The following PDE7A variants were observed in gnomAD, a reference collection of about 807,000 sequenced individuals.
PDE7A encodes the protein phosphodiesterase 7A.
A neutral mutation model predicts 64.3 loss-of-function variants in PDE7A; 39 were observed. That is an observed-to-expected ratio of 0.61 (90% CI 0.47 to 0.79). The LOEUF is 0.79. PDE7A is among the 30% of genes least tolerant of loss of function. The probability of loss-of-function intolerance (pLI) is 0.00; values close to 1 mark genes in which losing one functional copy is unlikely to be tolerated. For missense variants in PDE7A, 470 were observed against 582.8 expected, an observed-to-expected ratio of 0.81 and a Z score of 1.99; for synonymous variants, 203 against 206.8, an observed-to-expected ratio of 0.98 and a Z score of 0.16.
chr8:65,733,619 T>G (rs1485183122), intron 7 of PDE7A, among the ~76,000 whole-genome samples: 2 of 151,966 alleles, frequency 1.3e-5, no homozygotes, highest in East Asian at 3.8e-4. Flanking sequence ...ACCCTGTCTC[T>G]TAGAGAAAAA....
chr8:65,822,532 A>C (rs536850774), intron 1 of PDE7A, among the ~76,000 whole-genome samples: 10 of 152,346 alleles, frequency 6.6e-5, no homozygotes, highest in African/African-American at 2.4e-4. Flanking sequence ...CACTGGGCTT[A>C]CAAAAGTGAA....
intron 1 of PDE7A, among the ~76,000 whole-genome samples, chr8:65,822,212 C>A (rs1298620358): frequency 6.6e-6 from 1 of 152,206 alleles, no homozygotes; most frequent in Admixed American, 6.5e-5. Context: ...AACCTGCCCC[C>A]TCATTCTGAC....
chr8:65,746,477 C>T (rs753451814), intron 4 of PDE7A, among the ~76,000 whole-genome samples: 1 of 152,090 alleles, frequency 6.6e-6, no homozygotes, highest in Admixed American at 6.6e-5. Context: ...ACACAATTTA[C>T]TACATTAACT....
chr8:65,836,460 G>T (rs1283083443), intron 1 of PDE7A, among the ~76,000 whole-genome samples: 1 of 152,092 alleles, frequency 6.6e-6, no homozygotes, highest in African/African-American at 2.4e-5. Context: ...GAAACAGACA[G>T]GATCACCTAT....
chr8:65,832,272 T>C (rs879904500), intron 1 of PDE7A, among the ~76,000 whole-genome samples: 1 of 152,202 alleles, frequency 6.6e-6, no homozygotes, highest in Non-Finnish European at 1.5e-5. Flanking sequence ...AGTGCTAACA[T>C]AATACAGAAA....
chr8:65,841,279 C>CG, intron 1 of PDE7A, 92 bp downstream of exon 1: 1 of 1,314,326 alleles, frequency 7.6e-7, no homozygotes, highest in Non-Finnish European at 9.9e-7. Context: ...GGACAATGCG[C>CG]GGGCTGGGGG....
chr8:65,815,076 A>C (rs966200931), intron 1 of PDE7A, among the ~76,000 whole-genome samples: 3 of 144,358 alleles, frequency 2.1e-5, no homozygotes, highest in Non-Finnish European at 4.5e-5. Flanking sequence ...GTGAGACTCC[A>C]TCTCAAAAAA....
At chr8:65,760,605 A>G (rs1808441146) in intron 3 of PDE7A, among the ~76,000 whole-genome samples, 1 of 152,232 alleles carries the variant, frequency 6.6e-6, no homozygotes, top group East Asian at 1.9e-4. Flanking sequence ...AAGAAAAGGG[A>G]TCAAGAACTA....
Position 65,723,546 on chromosome 8 carries a change from T to A in PDE7A, c.1238A>T (p.Gln413Leu), listed in dbSNP as rs1406603766. The part of the protein sequence containing the change: ...DRHTESIANI[Q>L]IGFMTYLVEP... ...ATCTAAATATGTATAGTTACCAATC[T>A]GGATGTTGGCAATAGATTCAGTGTG... Residue 413 changes from glutamine (Q) to leucine (L), a missense_variant, in exon 12 of 13, where the codon CAG (glutamine) becomes CTG (leucine). By Grantham distance (113) the Gln-to-Leu change is moderately radical. Transcript: ENST00000401827. The A allele has an allele frequency of 6.4e-7, 1 of 1,567,840 alleles. No individual in the cohort carries two copies.
At chr8:65,745,950 G>T (rs1292365213) in intron 4 of PDE7A, among the ~76,000 whole-genome samples, 1 of 147,316 alleles carries the variant, frequency 6.8e-6, no homozygotes, top group African/African-American at 2.7e-5. Flanking sequence ...TTGAGACAGG[G>T]TCTCACACTC....
chr8:65,741,379 T>C (rs1807429201), intron 5 of PDE7A, among the ~76,000 whole-genome samples: 1 of 152,170 alleles, frequency 6.6e-6, no homozygotes, highest in South Asian at 2.1e-4. Context: ...TAATAATATT[T>C]ATGAAGGATA....
At chr8:65,762,630 C>G (rs1290754169) in intron 3 of PDE7A, among the ~76,000 whole-genome samples, 3 of 152,128 alleles carry the variant, frequency 2.0e-5, no homozygotes, top group African/African-American at 7.2e-5. Flanking sequence ...TATGTCTTTG[C>G]ACATTTTTGG....
At chr8:65,800,739 G>A (rs565644385) in intron 1 of PDE7A, among the ~76,000 whole-genome samples, 38 of 152,064 alleles carry the variant, frequency 2.5e-4, no homozygotes, top group African/African-American at 8.9e-4. Context: ...CCAGAAAGAC[G>A]CCACTTTGAA....
Position 65,719,194 on chromosome 8 carries a change from AC to A in PDE7A, c.*95del, listed in dbSNP as rs1806271694. On this transcript the variant is annotated 3_prime_UTR_variant, in exon 13 of 13. Transcript: ENST00000401827. ...GCTGGCTGGCATCACTCACTTGGAA[AC>A]CTTGGCAGTCAAGAGTTAAGTTCTC... The A allele has an allele frequency of 1.3e-5, 10 of 785,140 alleles. No individual in the cohort carries two copies. The South Asian group carries it at 1.5e-4, about 12-fold the overall frequency. 48.6% of individuals were successfully genotyped at this position (785,140 alleles called of 1,614,324 possible).
Position 65,716,878 on chromosome 8 carries a change from C to G in PDE7A, c.*2412G>C, listed in dbSNP as rs548237845. Among the ~76,000 whole-genome samples the G allele has an allele frequency of 2.8e-4, 42 of 152,242 alleles. No homozygotes were observed. Among genetic ancestry groups the G allele is most frequent in the Admixed American group, 2.4e-3 (37 of 15,292 alleles). ...AGAGTGACCAGCTGACCATATTCCT[C>G]TACTACCCTCAGACCTCTATACCCA... is the stretch of plus-strand genomic sequence containing the variant. On this transcript the variant is annotated 3_prime_UTR_variant, in exon 13 of 13. Transcript: ENST00000401827.
intron 7 of PDE7A, among the ~76,000 whole-genome samples, chr8:65,733,578 C>T (rs1344494875): frequency 6.6e-6 from 1 of 151,984 alleles, no homozygotes; most frequent in Non-Finnish European, 1.5e-5. Flanking sequence ...CATGATCACG[C>T]CACTGCACTC....
At chr8:65,813,205 CT>C (rs1810298193) in intron 1 of PDE7A, among the ~76,000 whole-genome samples, 2 of 152,154 alleles carry the variant, frequency 1.3e-5, no homozygotes, top group Non-Finnish European at 2.9e-5. Flanking sequence ...ATGCACATAG[CT>C]TCTGACCCAA....
chr8:65,840,934 G>T (rs1811066697), intron 1 of PDE7A, among the ~76,000 whole-genome samples: 1 of 152,258 alleles, frequency 6.6e-6, no homozygotes, highest in Admixed American at 6.5e-5. Context: ...CGGGGCGCGC[G>T]GGAGCTGGGG....
chr8:65,776,565 A>G (rs771194935), intron 3 of PDE7A, among the ~76,000 whole-genome samples: 21 of 152,180 alleles, frequency 1.4e-4, no homozygotes, highest in Admixed American at 2.6e-4. Context: ...TATTTAAGTT[A>G]TCTTTAATTT....
Sources: allele counts gnomAD v4.1 joint callset (sites outside exome capture counted in the v4.1 genomes callset), GRCh38; gene constraint gnomAD v4.1.1; transcripts MANE v1.5; gene names NCBI Gene and HGNC (gene_info 2026-07-23, HGNC 2026-07-21).